Variants in AMPD3 observed in about 807,000 individuals in gnomAD.
The protein encoded by AMPD3 is adenosine monophosphate deaminase 3, also known as AMP deaminase 3.
A neutral mutation model predicts 82.3 loss-of-function variants in AMPD3; 57 were observed. The ratio of observed to expected loss-of-function variants is 0.69; its 90% confidence interval spans 0.56 to 0.86. The LOEUF (loss-of-function observed/expected upper bound fraction) is 0.86. Among genes scored for constraint, AMPD3 ranks in the 40% least tolerant of loss-of-function variants. AMPD3 has a pLI of 0.00. For synonymous variants in AMPD3, 381 were observed against 394.7 expected, an observed-to-expected ratio of 0.97 and a Z score of 0.41; for missense variants, 870 against 1,003.8, an observed-to-expected ratio of 0.87 and a Z score of 1.80.
At chr11:10,464,163 C>T (rs577000013) in intron 2 of AMPD3, among the ~76,000 whole-genome samples, 7 of 152,244 alleles carry the variant, frequency 4.6e-5, no homozygotes, top group African/African-American at 9.6e-5. Context: ...TAGTGCATCC[C>T]GAGTAAATAT....
At chr11:10,493,844 G>A (rs1849313059) in intron 7 of AMPD3, 1 of 494,644 alleles carries the variant, frequency 2.0e-6, no homozygotes, top group African/African-American at 1.9e-5. Context: ...CCTATAAAAT[G>A]GTGACAGCCA....
chr11:10,474,134 T>C (rs1848672369), intron 2 of AMPD3, among the ~76,000 whole-genome samples: 1 of 152,160 alleles, frequency 6.6e-6, no homozygotes, highest in South Asian at 2.1e-4. Flanking sequence ...TGTATGATAA[T>C]CTGTGGAACT....
intron 10 of AMPD3, among the ~76,000 whole-genome samples, chr11:10,497,350 C>T (rs1849439364): frequency 3.3e-5 from 5 of 152,270 alleles, no homozygotes; most frequent in South Asian, 2.1e-4. Context: ...CAACAGAGGC[C>T]CTCACACCAT....
chr11:10,451,220 TC>T (rs924296647), upstream of AMPD3, among the ~76,000 whole-genome samples: 6 of 152,168 alleles, frequency 3.9e-5, no homozygotes, highest in African/African-American at 7.2e-5. Context: ...CCTGTCCCTG[TC>T]CCTACCCCTG....
At chr11:10,478,785 C>A in intron 3 of AMPD3, 55 bp downstream of exon 3, 5 of 1,580,762 alleles carry the variant, frequency 3.2e-6, no homozygotes, top group Non-Finnish European at 4.3e-6. Context: ...CCAGGGGCCC[C>A]ATGGGCCACA....
At chr11:10,483,316 C>T (rs1179583955) in intron 4 of AMPD3, among the ~76,000 whole-genome samples, 1 of 152,098 alleles carries the variant, frequency 6.6e-6, no homozygotes, top group Non-Finnish European at 1.5e-5. Flanking sequence ...CACATAAGGG[C>T]CTGGTGGTCT....
intron 2 of AMPD3, among the ~76,000 whole-genome samples, chr11:10,467,258 TAAG>T (rs1184472458): frequency 3.9e-5 from 6 of 152,074 alleles, no homozygotes; most frequent in Non-Finnish European, 8.8e-5. Flanking sequence ...GCAAGGAAGA[TAAG>T]AACCTTGAAA....
At position 10,502,255 on chromosome 11, in the gene AMPD3, T is replaced by C. The variant is rs573121824; in HGVS notation, c.1843-466T>C. 11 of 985,468 alleles carry C rather than the reference T, an allele frequency of 1.1e-5. No individual in the cohort carries two copies. In the East Asian group the frequency reaches 1.1e-3, roughly 102 times the overall value. 61.0% of individuals were successfully genotyped at this position (985,468 alleles called of 1,614,324 possible). On this transcript the variant is annotated intron_variant, in intron 12 of 14. Transcript: ENST00000396553. ...GCTACAGTAGAAAACCACTCTATCC[T>C]GGGCAGGTCCACCCCTCCCATCCCT...
intron 2 of AMPD3, among the ~76,000 whole-genome samples, chr11:10,471,521 T>G (rs539937320): frequency 3.9e-5 from 6 of 152,236 alleles, no homozygotes; most frequent in Admixed American, 3.3e-4. Context: ...TAGGCAACCT[T>G]CAGAACAGGA....
At position 10,502,993 on chromosome 11, in the gene AMPD3, TTGGGG is replaced by T. The variant is rs928059961; in HGVS notation, c.2016+106_2016+110del. 2.1e-6 allele frequency: 3 copies of T among 1,427,344 alleles called. No individual in the cohort carries two copies. The African/African-American group carries it at 4.2e-5, about 20-fold the overall frequency. 88.4% of individuals were successfully genotyped at this position (1,427,344 alleles called of 1,614,324 possible). On this transcript the variant is annotated intron_variant, in intron 13 of 14. Transcript: ENST00000396553. ...CTGAGCCCATGGCTTAGTTCTGCTT[TTGGGG>T]TGGGGTTGGTGGCCCAGTGAAGGCA...
intron 6 of AMPD3, among the ~76,000 whole-genome samples, chr11:10,491,652 C>T (rs1849243050): frequency 6.6e-6 from 1 of 152,098 alleles, no homozygotes; most frequent in Non-Finnish European, 1.5e-5. Context: ...GAAGGTAGAA[C>T]TGATGAGACT....
At chr11:10,468,249 C>T (rs1051181922) in intron 2 of AMPD3, among the ~76,000 whole-genome samples, 2 of 151,772 alleles carry the variant, frequency 1.3e-5, no homozygotes, top group African/African-American at 4.8e-5. Context: ...CAAGACCCAA[C>T]AGTGTGCTGT....
chr11:10,453,446 TG>T (rs1248688212), upstream of AMPD3, among the ~76,000 whole-genome samples: 1 of 152,236 alleles, frequency 6.6e-6, no homozygotes, highest in Non-Finnish European at 1.5e-5. Flanking sequence ...GTCATGGAGC[TG>T]GTATTTAGCA....
At chr11:10,478,800 C>A in intron 3 of AMPD3, 70 bp downstream of exon 3, 1 of 1,517,044 alleles carries the variant, frequency 6.6e-7, no homozygotes, top group South Asian at 1.1e-5. Flanking sequence ...GCCACAGGGT[C>A]GTGCCTCCCT....
At chr11:10,455,522 G>A in intron 1 of AMPD3, 74 bp downstream of exon 1, 2 of 793,918 alleles carry the variant, frequency 2.5e-6, no homozygotes, top group Middle Eastern at 6.4e-4. Context: ...TGTGTGGATG[G>A]GGGTGGGGGT....
At chr11:10,499,736 C>A in intron 10 of AMPD3, 1 of 985,446 alleles carries the variant, frequency 1.0e-6, no homozygotes, top group Non-Finnish European at 1.2e-6. Context: ...CTCCTCCCTG[C>A]AGGCTGGCCT....
chr11:10,467,214 G>A (rs540168302), intron 2 of AMPD3, among the ~76,000 whole-genome samples: 2 of 152,044 alleles, frequency 1.3e-5, no homozygotes, highest in South Asian at 2.1e-4. Context: ...AATAACAAAC[G>A]CCTCTGAGCT....
intron 9 of AMPD3, chr11:10,496,444 T>G (rs1591480790): frequency 1.0e-6 from 1 of 985,232 alleles, no homozygotes; most frequent in East Asian, 1.1e-4. Context: ...GGCTCCAGGA[T>G]GGGCTGGGGT....
intron 9 of AMPD3, 88 bp downstream of exon 9, chr11:10,495,821 G>A: frequency 1.3e-6 from 2 of 1,534,926 alleles, no homozygotes; most frequent in Non-Finnish European, 1.8e-6. Flanking sequence ...CTCCTGAGGG[G>A]TAGGGCCTGT....
Sources: allele counts gnomAD v4.1 joint callset (sites outside exome capture counted in the v4.1 genomes callset), GRCh38; gene constraint gnomAD v4.1.1; transcripts MANE v1.5; gene names NCBI Gene and HGNC (gene_info 2026-07-23, HGNC 2026-07-21).